The following PNPLA1 variants were observed in gnomAD, a reference collection of about 807,000 sequenced individuals.
The protein encoded by PNPLA1 is patatin like domain 1, omega-hydroxyceramide transacylase.
PNPLA1 carries 36 observed loss-of-function variants against 51.7 expected under a neutral mutation model. The ratio of observed to expected loss-of-function variants is 0.70; its 90% CI spans 0.53 to 0.92. PNPLA1 has a LOEUF of 0.92. Among genes scored for constraint, PNPLA1 ranks in the 40% least tolerant of loss-of-function variants. PNPLA1 has a pLI of 0.00. For missense variants in PNPLA1, 658 were observed against 682.5 expected (o/e 0.96, Z 0.40); for synonymous variants, 293 against 280.1 (o/e 1.05, Z -0.46).
In PNPLA1 at chr6:36,247,657, A is replaced by G. The variant is rs1183599277; in HGVS notation, c.-81+4396A>G. On this transcript the variant is annotated intron_variant, in intron 1 of 7. Transcript: ENST00000312917. ...GAGGGGGGACGTTGTGTTGTGTCCA[A>G]GGGGGCTAGAGGAGGGTCAAGGAGG... Among the ~76,000 whole-genome samples the G allele has an allele frequency of 3.3e-5, 5 of 152,228 alleles. No individual in the cohort carries two copies. In the South Asian group the frequency reaches 6.2e-4, roughly 19 times the overall value.
chr6:36,261,143 G>T (rs1377673398), intron 1 of PNPLA1, among the ~76,000 whole-genome samples: 1 of 152,176 alleles, frequency 6.6e-6, no homozygotes, highest in Admixed American at 6.5e-5. Context: ...CCATTTTCAT[G>T]ATCATTTTTA....
At chr6:36,268,762 T>C (rs775717399), upstream of PNPLA1, among the ~76,000 whole-genome samples, 7 of 152,224 alleles carry the variant, frequency 4.6e-5, no homozygotes, top group Non-Finnish European at 7.4e-5. Flanking sequence ...AATATCTGAT[T>C]TGGGGATGGA....
In PNPLA1 at chr6:36,270,520, A is replaced by T; in HGVS notation, c.61A>T (p.Ser21Cys). 1 of 1,551,596 alleles carries T rather than the reference A, an allele frequency of 6.4e-7. No individual in the cohort carries two copies. Among genetic ancestry groups the T allele is most frequent in the Non-Finnish European group, 8.7e-7 (1 of 1,147,004 alleles). ...DTPHSISFSG[S>C]GFLSFYQAGA... Reference sequence around the variant, plus strand: ...CCCTCACTCCATCTCCTTCTCGGGCAGTGGATTCCTCTCCTTCTACCAGGC... The same window carrying T: ...CCCTCACTCCATCTCCTTCTCGGGCTGTGGATTCCTCTCCTTCTACCAGGC... The change falls in exon 1 of 9, where the codon AGT (serine) becomes TGT (cysteine). Residue 21 changes from serine to cysteine, a missense_variant. Ser to Cys is a moderately radical substitution (Grantham distance 112, BLOSUM62 -1). Coordinates refer to ENST00000636260, the MANE Select transcript of PNPLA1 (RefSeq NM_001374623.1).
At position 36,301,862 on chromosome 6, in the gene PNPLA1, T is replaced by C. The variant is rs765828334; in HGVS notation, c.777T>C (p.Asn259=). 3.1e-6 allele frequency: 5 copies of C among 1,612,520 alleles called. No individual in the cohort carries two copies. The change falls in exon 6 of 9, where the codon AAT becomes AAC. Residue 259 remains asparagine, a splice_region_variant and synonymous_variant. Transcript: ENST00000636260. ...ACCCCATGCTATTGTTTATCCTAGATGCTGTTTATCTTAATTCTTCCTCCA... is the reference window on the plus strand; with the variant it reads ...ACCCCATGCTATTGTTTATCCTAGACGCTGTTTATCTTAATTCTTCCTCCA... ...EDAVLYLRRL[N]AVYLNSSSKR... is the part of the protein sequence containing the mutation.
intron 2 of PNPLA1, among the ~76,000 whole-genome samples, chr6:36,292,352 C>T (rs1038247318): frequency 1.3e-5 from 2 of 152,144 alleles, no homozygotes; most frequent in African/African-American, 4.8e-5. Context: ...TCCTCACGCC[C>T]ACCCCCGTTC....
rs182650510 is a variant in PNPLA1, at chr6:36,299,920, G to A, written c.776-1941G>A. ...AATACAGGGTGTTTGTCTCACATCT[G>A]TTAGACGTTACAGAATGATACATAT... On this transcript the variant is annotated intron_variant, in intron 5 of 8. Coordinates refer to ENST00000636260, the MANE Select transcript of PNPLA1 (RefSeq NM_001374623.1). Among the ~76,000 whole-genome samples the A allele has an allele frequency of 1.5e-3, 232 of 152,136 alleles. 1 individual carries two copies. The highest frequency in any genetic ancestry group is 5.0e-3 in the African/African-American group (209 of 41,492).
chr6:36,308,547 CCAAA>C (rs1395618006), intron 8 of PNPLA1: 5 of 152,104 alleles, frequency 3.3e-5, no homozygotes, highest in African/African-American at 1.2e-4. Context: ...CTACTAAGTG[CCAAA>C]CACTCTCCTG....
At chr6:36,274,029 C>G (rs1057074995) in intron 1 of PNPLA1, among the ~76,000 whole-genome samples, 1 of 152,148 alleles carries the variant, frequency 6.6e-6, no homozygotes, top group East Asian at 1.9e-4. Context: ...CAATGTCACT[C>G]CAGTCTAGTT....
intron 5 of PNPLA1, among the ~76,000 whole-genome samples, chr6:36,299,542 G>C (rs1770966606): frequency 6.6e-6 from 1 of 152,130 alleles, no homozygotes; most frequent in East Asian, 1.9e-4. Context: ...CGCCATGTTG[G>C]CCAGGATGGT....
intron 2 of PNPLA1, among the ~76,000 whole-genome samples, chr6:36,292,251 G>T (rs1320426153): frequency 6.6e-6 from 1 of 151,960 alleles, no homozygotes; most frequent in African/African-American, 2.4e-5. Flanking sequence ...GTAATCCTGG[G>T]GATGAGGGAT....
intron 5 of PNPLA1, among the ~76,000 whole-genome samples, chr6:36,295,822 G>A (rs1338562369): frequency 1.3e-5 from 2 of 152,174 alleles, no homozygotes; most frequent in Non-Finnish European, 2.9e-5. Context: ...AGAATTGGAT[G>A]TCACTAGTTT....
intron 1 of PNPLA1, among the ~76,000 whole-genome samples, chr6:36,276,169 G>T (rs944501546): frequency 6.6e-6 from 1 of 152,102 alleles, no homozygotes; most frequent in African/African-American, 2.4e-5. Flanking sequence ...ACGTTGGTCA[G>T]GCTGGTCTCG....
intron 8 of PNPLA1, among the ~76,000 whole-genome samples, chr6:36,309,430 G>A (rs1046684573): frequency 6.6e-5 from 10 of 152,106 alleles, no homozygotes; most frequent in South Asian, 2.1e-4. Flanking sequence ...GGGAAGCCAC[G>A]GATCTGCGGT....
At position 36,288,481 on chromosome 6, in the gene PNPLA1, T is replaced by C. The variant is rs546787934; in HGVS notation, c.206-2839T>C. 2.5e-3 allele frequency among the ~76,000 whole-genome samples: 365 copies of C among 148,226 alleles called. 2 individuals carry two copies. The highest frequency in any genetic ancestry group is 7.2e-3 in the African/African-American group (288 of 40,182). On this transcript the variant is annotated intron_variant, in intron 1 of 8. Coordinates refer to ENST00000636260, the MANE Select transcript of PNPLA1 (RefSeq NM_001374623.1). ...TTTTTTTTGAGACGGAGTCTCGCTC[T>C]GTCGCCCAGGCCGGACTGCGGACTG...
intron 1 of PNPLA1, among the ~76,000 whole-genome samples, chr6:36,276,625 T>C (rs1333325691): frequency 6.6e-6 from 1 of 152,204 alleles, no homozygotes; most frequent in African/African-American, 2.4e-5. Context: ...AAAATGTTTC[T>C]TATGGAAGAA....
At chr6:36,248,601 A>C (rs1304951797) in intron 1 of PNPLA1, among the ~76,000 whole-genome samples, 1 of 150,878 alleles carries the variant, frequency 6.6e-6, no homozygotes. Flanking sequence ...GGCTCACTGC[A>C]AGTGCCTCCT....
upstream of PNPLA1, among the ~76,000 whole-genome samples, chr6:36,265,070 G>C (rs1339128385): frequency 6.6e-6 from 1 of 152,222 alleles, no homozygotes; most frequent in African/African-American, 2.4e-5. Flanking sequence ...ACCAGGCATG[G>C]TGGCTCATGT....
rs1284972144 is a variant in PNPLA1, at chr6:36,294,131, C to T, written c.505-59C>T. Reference sequence around the variant, plus strand: ...ATATCCCATGGGCCATTTCGATGTACCCCGAGTGGGGCTGAGAACTCTGGC... The same window carrying T: ...ATATCCCATGGGCCATTTCGATGTATCCCGAGTGGGGCTGAGAACTCTGGC... On this transcript the variant is annotated intron_variant, in intron 3 of 8. Coordinates refer to ENST00000636260, the MANE Select transcript of PNPLA1 (RefSeq NM_001374623.1). The surrounding 1 kb of genome is among the most constrained non-coding windows in gnomAD (Gnocchi z 4.2). 2 of 1,590,654 alleles carry T rather than the reference C, an allele frequency of 1.3e-6. No homozygotes were observed. The highest frequency in any genetic ancestry group is 2.3e-5 in the South Asian group (2 of 88,706).
At chr6:36,291,660 C>G in intron 2 of PNPLA1, 108 bp downstream of exon 2, 1 of 919,798 alleles carries the variant, frequency 1.1e-6, no homozygotes, top group Non-Finnish European at 1.7e-6. Context: ...CCTCACTTCC[C>G]TAGTCCTTCC....
Sources: allele counts gnomAD v4.1 joint callset (sites outside exome capture counted in the v4.1 genomes callset), GRCh38; gene constraint gnomAD v4.1.1; non-coding constraint Gnocchi (gnomAD v3.1); transcripts MANE v1.5; gene names NCBI Gene and HGNC (gene_info 2026-07-23, HGNC 2026-07-21).